Variants in LHFPL2 observed in about 807,000 individuals in gnomAD.
LHFPL2 encodes the protein LHFPL tetraspan subfamily member 2.
In LHFPL2, 7 loss-of-function variants were observed where a neutral mutation model predicts 17.5. The observed-to-expected ratio is 0.40, with a 90% CI of 0.23 to 0.75. The LOEUF is 0.75. Among genes scored for constraint, LHFPL2 ranks in the 30% least tolerant of loss-of-function variants. LHFPL2 has a pLI of 0.37. For synonymous variants in LHFPL2, 134 were observed against 116.2 expected (o/e 1.15, Z -0.99); for missense variants, 241 against 294.8 (o/e 0.82, Z 1.34).
rs750374704 is a variant in LHFPL2, at chr5:78,510,236, G to A, written c.-23C>T. ...CATATTGATGTTCCGGGCGAAGAAA[G>A]AGTCAGGAGTCCACGGAGTTAATCA... is the stretch of plus-strand genomic sequence containing the variant. On this transcript the variant is annotated 5_prime_UTR_variant, in exon 4 of 5. Coordinates refer to ENST00000380345, the MANE Select transcript of LHFPL2 (RefSeq NM_005779.3). 1.3e-5 allele frequency: 21 copies of A among 1,556,160 alleles called. No homozygotes were observed. The highest frequency in any genetic ancestry group is 1.8e-5 in the Non-Finnish European group (21 of 1,149,262).
At chr5:78,536,915 C>T (rs1478544758) in intron 3 of LHFPL2, among the ~76,000 whole-genome samples, 1 of 152,184 alleles carries the variant, frequency 6.6e-6, no homozygotes, top group African/African-American at 2.4e-5. Flanking sequence ...AGGGTAACTT[C>T]CTTGTGTGTC....
intron 2 of LHFPL2, among the ~76,000 whole-genome samples, chr5:78,618,452 G>A (rs1047036700): frequency 1.3e-5 from 2 of 152,160 alleles, no homozygotes; most frequent in Non-Finnish European, 2.9e-5. Context: ...TGGACGGGCT[G>A]GTCTAGAGGC....
intron 1 of LHFPL2, among the ~76,000 whole-genome samples, chr5:78,638,037 A>G (rs1396429671): frequency 6.6e-6 from 1 of 152,194 alleles, no homozygotes; most frequent in Non-Finnish European, 1.5e-5. Context: ...GACAACCCAA[A>G]GCCCAGTTTT....
intron 2 of LHFPL2, among the ~76,000 whole-genome samples, chr5:78,597,827 T>C (rs535179824): frequency 4.6e-5 from 7 of 152,326 alleles, no homozygotes; most frequent in African/African-American, 1.7e-4. Context: ...GTGCATCATA[T>C]GCACTGAATT....
intron 2 of LHFPL2, among the ~76,000 whole-genome samples, chr5:78,581,259 T>C (rs1162926783): frequency 6.6e-6 from 1 of 152,210 alleles, no homozygotes; most frequent in Non-Finnish European, 1.5e-5. Context: ...TGACTTCCTC[T>C]TTTCCTAATT....
chr5:78,644,312 G>T, intron 1 of LHFPL2: 4 of 1,204,300 alleles, frequency 3.3e-6, no homozygotes, highest in Non-Finnish European at 4.8e-6. Context: ...TCTTTTTCTT[G>T]CTTTTTTCAG....
chr5:78,555,776 G>A (rs1561337320), intron 3 of LHFPL2, among the ~76,000 whole-genome samples: 2 of 152,346 alleles, frequency 1.3e-5, no homozygotes, highest in East Asian at 3.9e-4. Flanking sequence ...GGAAAAGCCA[G>A]AGGATGCGAA....
At chr5:78,586,793 GTATAAGT>G (rs1260852998) in intron 2 of LHFPL2, among the ~76,000 whole-genome samples, 2 of 152,180 alleles carry the variant, frequency 1.3e-5, no homozygotes, top group East Asian at 1.9e-4. Flanking sequence ...TTTTAATACA[GTATAAGT>G]TATATTTTCT....
chr5:78,631,146 C>G (rs61132629), intron 2 of LHFPL2, among the ~76,000 whole-genome samples: 2,028 of 152,320 alleles, frequency 0.013, 54 homozygotes, highest in African/African-American at 0.047. Flanking sequence ...AATGCTCAAG[C>G]CACTGAGGCA....
At chr5:78,647,028 CCA>C (rs1471968329) in intron 1 of LHFPL2, among the ~76,000 whole-genome samples, 2 of 152,136 alleles carry the variant, frequency 1.3e-5, no homozygotes, top group Non-Finnish European at 2.9e-5. Flanking sequence ...CCACAAGAAG[CCA>C]CAGTCTGCTC....
chr5:78,608,470 C>T (rs1327576047), intron 2 of LHFPL2, among the ~76,000 whole-genome samples: 1 of 151,864 alleles, frequency 6.6e-6, no homozygotes, highest in East Asian at 1.9e-4. Context: ...GACATAACTG[C>T]ATTCTAGAAT....
intron 1 of LHFPL2, among the ~76,000 whole-genome samples, chr5:78,635,497 A>G (rs1251323374): frequency 1.3e-5 from 2 of 152,200 alleles, no homozygotes; most frequent in Non-Finnish European, 2.9e-5. Flanking sequence ...TCTCACAACC[A>G]AACTGACTTT....
chr5:78,559,315 T>C (rs1756662652), intron 3 of LHFPL2, among the ~76,000 whole-genome samples: 1 of 152,228 alleles, frequency 6.6e-6, no homozygotes, highest in Admixed American at 6.5e-5. Flanking sequence ...AGCAAATATA[T>C]GTATCAGGCA....
chr5:78,609,532 A>ATTGGATATTAAATATTCTTCCATTG (rs1376759987), intron 2 of LHFPL2, among the ~76,000 whole-genome samples: 1 of 151,604 alleles, frequency 6.6e-6, no homozygotes, highest in Non-Finnish European at 1.5e-5. Flanking sequence ...AATATTCTTC[A>ATTGGATATTAAATATTCTTCCATTG]GATATTAAAA....
At chr5:78,490,940 C>T (rs1754423677) in intron 4 of LHFPL2, 1 of 152,066 alleles carries the variant, frequency 6.6e-6, no homozygotes, top group South Asian at 2.1e-4. Context: ...GTTTCTTTAC[C>T]TACCTTAACT....
At chr5:78,582,669 GTTCTTT>G (rs1743191952) in intron 2 of LHFPL2, among the ~76,000 whole-genome samples, 1 of 152,122 alleles carries the variant, frequency 6.6e-6, no homozygotes, top group Non-Finnish European at 1.5e-5. Flanking sequence ...TATAATTCCT[GTTCTTT>G]TACAGTTGCT....
At position 78,499,931 on chromosome 5, in the gene LHFPL2, T is replaced by C. The variant is rs150893984; in HGVS notation, c.430+9853A>G. ...AGCCTAATGAACAGGTCAGAACAAT[T>C]TAAGGCTCACTATGATGTGAACCTT... On this transcript the variant is annotated intron_variant, in intron 4 of 4. Transcript: ENST00000380345. Among the ~76,000 whole-genome samples the C allele has an allele frequency of 3.6e-3, 552 of 152,248 alleles. 7 individuals are homozygous for C. The highest frequency in any genetic ancestry group is 0.013 in the African/African-American group (534 of 41,536).
intron 1 of LHFPL2, among the ~76,000 whole-genome samples, chr5:78,647,653 CGGGGGTGGGGAT>C: frequency 6.6e-6 from 1 of 152,112 alleles, no homozygotes; most frequent in East Asian, 1.9e-4. Flanking sequence ...GAGGCGAGGA[CGGGGGTGGGGAT>C]AGGACTTTGT....
intron 3 of LHFPL2, among the ~76,000 whole-genome samples, chr5:78,517,587 C>T (rs2362836): frequency 0.41 from 62,867 of 152,094 alleles, 13,444 homozygotes; most frequent in African/African-American, 0.51. Context: ...CAAAGGTACA[C>T]CTTACATGGC....
Sources: gnomAD v4.1 joint callset for allele counts (sites outside exome capture counted in the v4.1 genomes callset) on GRCh38, gnomAD v4.1.1 for gene constraint, MANE v1.5 for transcripts, NCBI Gene and HGNC (gene_info 2026-07-23, HGNC 2026-07-21) for gene names.